PRDM1: variants seen among roughly 807,000 people sequenced by gnomAD.
The protein encoded by PRDM1 is PR domain zinc finger protein 1.
Under a neutral mutation model 62.8 loss-of-function variants are expected in PRDM1, and 13 were observed. That is an observed-to-expected ratio of 0.21 (90% CI 0.13 to 0.33). The LOEUF is 0.33. Ranked by LOEUF, PRDM1 falls within the 10% of genes least tolerant of loss-of-function variation. The pLI is 1.00. For missense variants in PRDM1, 895 were observed against 1,058.8 expected, an observed-to-expected ratio of 0.85 and a Z score of 2.15; for synonymous variants, 396 against 417.6, an observed-to-expected ratio of 0.95 and a Z score of 0.63.
chr6:106,105,189 C>T lies in PRDM1; in HGVS notation c.1029C>T (p.Pro343=), dbSNP rs2114653120. 1.2e-6 allele frequency: 2 copies of T among 1,613,522 alleles called. No homozygotes were observed. The highest frequency in any genetic ancestry group is 8.5e-7 in the Non-Finnish European group (1 of 1,179,922). ...CAAGCCCCTCTGCAAGAAGCAGCCC[C>T]GACCAAAGCCTCAAGAGCTCCAGCC... The part of the protein sequence containing the change: ...TTPSPSARSS[P]DQSLKSSSPH... The change falls in exon 5 of 7, where the codon CCC becomes CCT. Residue 343 remains proline, a synonymous_variant. Transcript: ENST00000369096.
chr6:106,106,874 T>A lies in PRDM1; in HGVS notation c.1903-37T>A. ...AACTCTTAATCTTCTGGCCTTCCTGTCTCCCTTCCCTGCTGTCTCTCTCCC... is the reference window on the plus strand; with the variant it reads ...AACTCTTAATCTTCTGGCCTTCCTGACTCCCTTCCCTGCTGTCTCTCTCCC... On this transcript the variant is annotated intron_variant, in intron 6 of 6. Coordinates refer to ENST00000369096, the MANE Select transcript of PRDM1 (RefSeq NM_001198.4). This position sits in a 1 kb window ranked among gnomAD's most constrained non-coding sequence, Gnocchi z 4.4. 2 of 1,563,340 alleles carry A rather than the reference T, an allele frequency of 1.3e-6. No individual in the cohort carries two copies. Among genetic ancestry groups the A allele is most frequent in the Non-Finnish European group, 1.7e-6 (2 of 1,146,828 alleles).
chr6:106,076,405 A>G (rs1259045305), intron 1 of PRDM1, among the ~76,000 whole-genome samples: 1 of 152,242 alleles, frequency 6.6e-6, no homozygotes, highest in African/African-American at 2.4e-5. Context: ...TAGTGCCTGT[A>G]AAAACTAGAT....
intron 1 of PRDM1, among the ~76,000 whole-genome samples, chr6:106,012,522 A>C (rs1351365357): frequency 6.6e-6 from 1 of 151,698 alleles, no homozygotes; most frequent in Admixed American, 6.6e-5. Context: ...TACTACACAC[A>C]TGCACACACT....
At chr6:106,046,979 G>T (rs1773087750), upstream of PRDM1, among the ~76,000 whole-genome samples, 1 of 152,190 alleles carries the variant, frequency 6.6e-6, no homozygotes, top group East Asian at 1.9e-4. Context: ...GTCATTGCAG[G>T]TCTTTATCAC....
rs978033747 is a variant in PRDM1, at chr6:106,011,230, T to G, written c.-67+17591T>G. ...TACCGAAGACTTAAATTTATCACCTTTATAACAATCCCAGAGCTAAGAAGA... is the reference window on the plus strand; with the variant it reads ...TACCGAAGACTTAAATTTATCACCTGTATAACAATCCCAGAGCTAAGAAGA... On this transcript the variant is annotated intron_variant, in intron 1 of 6. Coordinates refer to the PRDM1 transcript ENST00000652320. Among the ~76,000 whole-genome samples the G allele has an allele frequency of 2.6e-5, 4 of 152,314 alleles. No individual in the cohort carries two copies. In the East Asian group the frequency reaches 7.7e-4, roughly 29 times the overall value.
At chr6:106,033,965 C>T (rs1484838941) in intron 1 of PRDM1, among the ~76,000 whole-genome samples, 3 of 151,938 alleles carry the variant, frequency 2.0e-5, no homozygotes, top group East Asian at 1.9e-4. Context: ...TCTATTTCTT[C>T]GTGATTCAGT....
At chr6:106,011,504 T>C (rs1772548028) in intron 1 of PRDM1, among the ~76,000 whole-genome samples, 1 of 152,130 alleles carries the variant, frequency 6.6e-6, no homozygotes, top group African/African-American at 2.4e-5. Context: ...AGGAAGAGTA[T>C]GTGCGAGGGG....
intron 1 of PRDM1, among the ~76,000 whole-genome samples, chr6:106,029,093 G>A (rs542459263): frequency 6.6e-6 from 1 of 151,896 alleles, no homozygotes; most frequent in East Asian, 1.9e-4. Flanking sequence ...GCTAATTTTT[G>A]TATATTTAGT....
At chr6:106,056,271 C>T (rs937122105) in intron 1 of PRDM1, among the ~76,000 whole-genome samples, 2 of 152,144 alleles carry the variant, frequency 1.3e-5, no homozygotes, top group Non-Finnish European at 2.9e-5. Context: ...GGGAGAAGCA[C>T]GGAGAGTCTG....
At chr6:106,026,985 T>C (rs953891933) in intron 1 of PRDM1, among the ~76,000 whole-genome samples, 1 of 152,224 alleles carries the variant, frequency 6.6e-6, no homozygotes, top group African/African-American at 2.4e-5. Context: ...AGTTTGAGCA[T>C]TGCCTACCGC....
rs1284069438 is a variant in PRDM1, at chr6:106,023,231, C to A, written c.-67+29592C>A. Reference sequence around the variant, plus strand: ...CAATGGTTATTTAATCTATCATATACTATGGACATTATTTTTATTTTCTTT... The same window carrying A: ...CAATGGTTATTTAATCTATCATATAATATGGACATTATTTTTATTTTCTTT... On this transcript the variant is annotated intron_variant, in intron 1 of 6. Transcript: ENST00000652320. Among the ~76,000 whole-genome samples, 9 of 152,172 alleles carry A rather than the reference C, an allele frequency of 5.9e-5. No homozygotes were observed. The South Asian group carries it at 6.2e-4, about 11-fold the overall frequency.
upstream of PRDM1, chr6:106,046,430 C>T (rs1773077759): frequency 6.6e-6 from 1 of 152,254 alleles, no homozygotes; most frequent in Non-Finnish European, 1.5e-5. Flanking sequence ...CGCACCGAAC[C>T]ATTCAGGTAG....
rs115406787 is a variant in PRDM1, at chr6:105,995,165, A to G, written c.-67+1526A>G. On this transcript the variant is annotated intron_variant, in intron 1 of 6. Coordinates refer to the PRDM1 transcript ENST00000652320. ...GGTCTTCGGTTCGTGACAAGTGCAT[A>G]GGTTAGGCTTGCACGGAAGAGGGTC... Among the ~76,000 whole-genome samples, 1,243 of 152,236 alleles carry G rather than the reference A, an allele frequency of 8.2e-3. 20 individuals carry two copies. Among genetic ancestry groups the G allele is most frequent in the African/African-American group, 0.029 (1,200 of 41,514 alleles).
At chr6:106,047,858 G>A (rs1213815329), upstream of PRDM1, among the ~76,000 whole-genome samples, 1 of 152,136 alleles carries the variant, frequency 6.6e-6, no homozygotes. Flanking sequence ...TGCAGGGGCT[G>A]GGCTGGAAAA....
intron 1 of PRDM1, among the ~76,000 whole-genome samples, chr6:106,065,228 G>C (rs1455781930): frequency 1.3e-5 from 2 of 152,160 alleles, no homozygotes; most frequent in Admixed American, 6.5e-5. Context: ...AAACCCCTGG[G>C]CTCAAGCAAT....
chr6:106,037,707 T>A (rs982767232), intron 1 of PRDM1, among the ~76,000 whole-genome samples: 17 of 152,120 alleles, frequency 1.1e-4, no homozygotes, highest in African/African-American at 4.1e-4. Context: ...GGTTTCTTTT[T>A]AGGTTTTCTA....
At chr6:106,036,017 C>T (rs1406376736) in intron 1 of PRDM1, among the ~76,000 whole-genome samples, 1 of 151,906 alleles carries the variant, frequency 6.6e-6, no homozygotes, top group Non-Finnish European at 1.5e-5. Context: ...ACCCACCTGC[C>T]TCGGCCTCCC....
chr6:106,108,398 G>A lies in PRDM1; in HGVS notation c.*912G>A, dbSNP rs536977782. On this transcript the variant is annotated 3_prime_UTR_variant, in exon 7 of 7. Coordinates refer to ENST00000369096, the MANE Select transcript of PRDM1 (RefSeq NM_001198.4). ...CATCCATTGTATTATCAGAAAATGTGAAGAAGAAAAAAATGCCATGTTTTA... is the reference window on the plus strand; with the variant it reads ...CATCCATTGTATTATCAGAAAATGTAAAGAAGAAAAAAATGCCATGTTTTA... The A allele has an allele frequency of 6.4e-5, 15 of 232,704 alleles. No individual in the cohort carries two copies. The highest frequency in any genetic ancestry group is 3.1e-4 in the African/African-American group (14 of 45,220). 14.4% of individuals were successfully genotyped at this position (232,704 alleles called of 1,614,324 possible).
chr6:106,041,320 T>C (rs1186300856), intron 1 of PRDM1, among the ~76,000 whole-genome samples: 1 of 152,244 alleles, frequency 6.6e-6, no homozygotes, highest in Non-Finnish European at 1.5e-5. Flanking sequence ...AGTATTTTTG[T>C]TCAGGAGCAG....
Sources: gnomAD v4.1 joint callset for allele counts (sites outside exome capture counted in the v4.1 genomes callset) on GRCh38, gnomAD v4.1.1 for gene constraint, Gnocchi (gnomAD v3.1) non-coding constraint, MANE v1.5 for transcripts, NCBI Gene and HGNC (gene_info 2026-07-23, HGNC 2026-07-21) for gene names.